Variants in ADGRL2 observed in about 807,000 individuals in gnomAD.
ADGRL2 encodes adhesion G protein-coupled receptor L2, also known as calcium-independent alpha-latrotoxin receptor 2.
Under a neutral mutation model 157.4 loss-of-function variants are expected in ADGRL2, and 44 were observed. The ratio of observed to expected loss-of-function variants is 0.28; its 90% CI spans 0.22 to 0.36. ADGRL2 has a LOEUF of 0.36. ADGRL2 is among the 10% of genes least tolerant of loss of function. ADGRL2 has a pLI of 1.00. For synonymous variants in ADGRL2, 585 were observed against 624.7 expected, an observed-to-expected ratio of 0.94 and a Z score of 0.95; for missense variants, 1,510 against 1,768.9, an observed-to-expected ratio of 0.85 and a Z score of 2.63.
At chr1:81,514,879 G>A (rs1043566573) in intron 2 of ADGRL2, 2 of 152,178 alleles carry the variant, frequency 1.3e-5, no homozygotes, top group Non-Finnish European at 2.9e-5. Context: ...TATGCCTGAT[G>A]ACATGGAGTA....
chr1:81,408,352 T>TAA (rs1393770094), intron 1 of ADGRL2, among the ~76,000 whole-genome samples: 1 of 152,194 alleles, frequency 6.6e-6, no homozygotes, highest in Non-Finnish European at 1.5e-5. Context: ...CTTCTCATAG[T>TAA]AGGTAGCATC....
At chr1:81,593,460 G>T (rs144319151) in intron 3 of ADGRL2, among the ~76,000 whole-genome samples, 20 of 152,256 alleles carry the variant, frequency 1.3e-4, no homozygotes, top group Non-Finnish European at 2.8e-4. Context: ...GGGAAAAAAT[G>T]AACTAATATG....
intron 6 of ADGRL2, among the ~76,000 whole-genome samples, 158 bp from the exon 7 acceptor site, chr1:81,950,031 C>A (rs568069623): frequency 2.0e-5 from 3 of 152,112 alleles, no homozygotes; most frequent in Non-Finnish European, 4.4e-5. Context: ...TGTATTCTTA[C>A]GAGCGATATT....
At position 81,936,944 on chromosome 1, in the gene ADGRL2, A is replaced by G. The variant is rs561107276; in HGVS notation, c.397+107A>G. 3.0e-4 allele frequency: 203 copies of G among 684,748 alleles called. No individual in the cohort carries two copies. In the African/African-American group the frequency reaches 3.1e-3, roughly 10 times the overall value. The allele number at this position is 684,748 out of a possible 1,614,324, so 42.4% of individuals were successfully genotyped here. ...TATGTTTATGGCCTACAAAACCATTATGTATGCAGAGCACTAACAGACTTG... is the reference window on the plus strand; with the variant it reads ...TATGTTTATGGCCTACAAAACCATTGTGTATGCAGAGCACTAACAGACTTG... On this transcript the variant is annotated intron_variant, in intron 4 of 23. Transcript: ENST00000686636.
intron 1 of ADGRL2, among the ~76,000 whole-genome samples, chr1:81,332,144 A>G (rs1661312659): frequency 6.6e-6 from 1 of 151,998 alleles, no homozygotes; most frequent in South Asian, 2.1e-4. Context: ...AAACGAGAAG[A>G]AAAAAAACAT....
chr1:81,410,279 G>C lies in ADGRL2; in HGVS notation c.-301-34757G>C, dbSNP rs571545593. The stretch of plus-strand genomic sequence containing the variant: ...TAAAAAGTAAAGAGTTAACAGAGAA[G>C]GGAAATTTGTATTAGGTCCTGCATT... On this transcript the variant is annotated intron_variant, in intron 1 of 24. Coordinates refer to the ADGRL2 transcript ENST00000370721. 1.9e-3 allele frequency among the ~76,000 whole-genome samples: 286 copies of C among 152,310 alleles called. 4 individuals are homozygous for C. In the South Asian group the frequency reaches 0.024, roughly 13 times the overall value.
At position 81,599,935 on chromosome 1, in the gene ADGRL2, A is replaced by G. The variant is rs553012472; in HGVS notation, c.-143+18955A>G. Reference sequence around the variant, plus strand: ...CATGTTTGTTTACTTCTGCAAAGCAAATTAAATGTGTAGCCCATGCATTAT... The same window carrying G: ...CATGTTTGTTTACTTCTGCAAAGCAGATTAAATGTGTAGCCCATGCATTAT... On this transcript the variant is annotated intron_variant, in intron 3 of 24. Transcript: ENST00000370721. Among the ~76,000 whole-genome samples the G allele has an allele frequency of 9.6e-4, 147 of 152,342 alleles. 1 individual carries two copies. Among genetic ancestry groups the G allele is most frequent in the African/African-American group, 3.5e-3 (145 of 41,574 alleles).
intron 1 of ADGRL2, among the ~76,000 whole-genome samples, chr1:81,430,518 T>C (rs958987205): frequency 2.6e-5 from 4 of 152,198 alleles, no homozygotes; most frequent in African/African-American, 9.6e-5. Flanking sequence ...CTGCTATTTC[T>C]GAAGGCCTTT....
chr1:81,610,746 A>C (rs1361771851), intron 3 of ADGRL2, among the ~76,000 whole-genome samples: 1 of 152,124 alleles, frequency 6.6e-6, no homozygotes, highest in Non-Finnish European at 1.5e-5. Flanking sequence ...GGTGGAAATA[A>C]ATGAACAAAA....
intron 3 of ADGRL2, among the ~76,000 whole-genome samples, chr1:81,920,274 G>T (rs2094947361): frequency 6.6e-6 from 1 of 152,098 alleles, no homozygotes; most frequent in African/African-American, 2.4e-5. Context: ...ATGTGTACAA[G>T]AAGATAAAAT....
At chr1:81,593,040 T>C (rs538174832) in intron 3 of ADGRL2, among the ~76,000 whole-genome samples, 2 of 152,284 alleles carry the variant, frequency 1.3e-5, no homozygotes, top group African/African-American at 4.8e-5. Context: ...AGAAATAGGA[T>C]GGTCAAAATA....
At chr1:81,657,855 T>C (rs896176448) in intron 3 of ADGRL2, among the ~76,000 whole-genome samples, 1 of 152,224 alleles carries the variant, frequency 6.6e-6, no homozygotes, top group Admixed American at 6.5e-5. Context: ...CTATTACATC[T>C]TTTGTAATCC....
intron 1 of ADGRL2, among the ~76,000 whole-genome samples, chr1:81,346,329 G>A (rs531470469): frequency 1.1e-4 from 16 of 152,250 alleles, no homozygotes; most frequent in African/African-American, 2.9e-4. Context: ...CACATCTACA[G>A]CATTATAATC....
At chr1:81,322,561 C>A (rs1371778666) in intron 1 of ADGRL2, among the ~76,000 whole-genome samples, 1 of 152,048 alleles carries the variant, frequency 6.6e-6, no homozygotes, top group Non-Finnish European at 1.5e-5. Context: ...AAAAAGAATA[C>A]CACCACCTTA....
chr1:81,806,677 G>C (rs2149573403), intron 1 of ADGRL2, among the ~76,000 whole-genome samples: 1 of 152,066 alleles, frequency 6.6e-6, no homozygotes, highest in Admixed American at 6.5e-5. Flanking sequence ...TCAGTTTATT[G>C]ACAGTTGTAG....
At chr1:81,892,599 T>C (rs571484618) in intron 2 of ADGRL2, among the ~76,000 whole-genome samples, 3 of 152,266 alleles carry the variant, frequency 2.0e-5, no homozygotes, top group Non-Finnish European at 2.9e-5. Context: ...TCCAAACCAG[T>C]TGGAATAGTG....
chr1:81,867,562 A>G (rs759049212), intron 2 of ADGRL2, among the ~76,000 whole-genome samples: 9 of 152,226 alleles, frequency 5.9e-5, no homozygotes, highest in Non-Finnish European at 1.0e-4. Context: ...TAGTTAAATT[A>G]CTGTGCAAAA....
At chr1:81,483,973 G>A (rs200387704) in intron 2 of ADGRL2, among the ~76,000 whole-genome samples, 1 of 151,884 alleles carries the variant, frequency 6.6e-6, no homozygotes, top group South Asian at 2.1e-4. Context: ...GGCTATGTTT[G>A]ATCATTTTTA....
chr1:81,848,268 G>C (rs2092869204), intron 2 of ADGRL2, among the ~76,000 whole-genome samples: 2 of 151,772 alleles, frequency 1.3e-5, no homozygotes, highest in African/African-American at 4.8e-5. Flanking sequence ...TTTAAAAATA[G>C]AGACTCCTAT....
Sources: allele counts gnomAD v4.1 joint callset (sites outside exome capture counted in the v4.1 genomes callset), GRCh38; gene constraint gnomAD v4.1.1; transcripts MANE v1.5; gene names NCBI Gene and HGNC (gene_info 2026-07-23, HGNC 2026-07-21).